Variants in TMEM79 observed in about 807,000 individuals in gnomAD.
The protein encoded by TMEM79 is mattrin.
In TMEM79, 30 loss-of-function variants were observed where a neutral mutation model predicts 31.2. The ratio of observed to expected loss-of-function variants is 0.96; its 90% CI spans 0.72 to 1.30. The LOEUF (loss-of-function observed/expected upper bound fraction) is 1.30. TMEM79 is among the 50% of genes most tolerant of loss of function. The pLI is 0.00. For synonymous variants in TMEM79, 213 were observed against 229.5 expected (o/e 0.93, Z 0.65); for missense variants, 509 against 528.2 (o/e 0.96, Z 0.36).
chr1:156,286,050 G>C, intron 2 of TMEM79, 67 bp downstream of exon 2: 1 of 1,543,734 alleles, frequency 6.5e-7, no homozygotes, highest in South Asian at 1.2e-5. Flanking sequence ...TGGCTGGTGT[G>C]GGGAGCAGGA....
At chr1:156,286,584 C>G in intron 3 of TMEM79, 111 bp downstream of exon 3, 1 of 1,072,334 alleles carries the variant, frequency 9.3e-7, no homozygotes, top group Non-Finnish European at 1.4e-6. Flanking sequence ...TACACTGGCC[C>G]AAATGTGTGC....
rs764758816 is a variant in TMEM79 at position 156,285,463 on chromosome 1, G to T, written c.237G>T (p.Gly79=). The T allele has an allele frequency of 6.2e-7, 1 of 1,614,104 alleles. No homozygotes were observed. The highest frequency in any genetic ancestry group is 1.1e-5 in the South Asian group (1 of 91,088). ...TVSEAATLPW[G]TGPQPSAPFP... ...GTGAGGCTGCCACCTTGCCCTGGGGGACTGGCCCTCAGCCCAGTGCTCCGT... is the reference window on the plus strand; with the variant it reads ...GTGAGGCTGCCACCTTGCCCTGGGGTACTGGCCCTCAGCCCAGTGCTCCGT... Residue 79 remains glycine (G), a synonymous_variant, in exon 2 of 4, where the codon GGG becomes GGT. Coordinates refer to ENST00000405535, the MANE Select transcript of TMEM79 (RefSeq NM_032323.3).
rs769178359 is a variant in TMEM79 at position 156,286,339 on chromosome 1, C to A, written c.837C>A (p.Ile279=). 6.2e-7 allele frequency: 1 copy of A among 1,614,236 alleles called. No individual in the cohort carries two copies. The highest frequency in any genetic ancestry group is 8.5e-7 in the Non-Finnish European group (1 of 1,180,042). The change falls in exon 3 of 4, where the codon ATC becomes ATA. Residue 279 remains isoleucine, a synonymous_variant. Coordinates refer to ENST00000405535, the MANE Select transcript of TMEM79 (RefSeq NM_032323.3). ...PFGEPRREVE[I]HRRYVAQSVQ... is the part of the protein sequence containing the mutation. Reference sequence around the variant, plus strand: ...GGGAGCCACGGCGGGAGGTGGAGATCCACCGGCGATATGTGGCCCAGTCGG... The same window carrying A: ...GGGAGCCACGGCGGGAGGTGGAGATACACCGGCGATATGTGGCCCAGTCGG...
chr1:156,287,387 G>T (rs1373427776), intron 3 of TMEM79, among the ~76,000 whole-genome samples: 2 of 152,140 alleles, frequency 1.3e-5, no homozygotes, highest in Non-Finnish European at 2.9e-5. Flanking sequence ...TTGCACTCCA[G>T]CCTGGGTGAC....
intron 3 of TMEM79, 101 bp from the exon 4 acceptor site, chr1:156,291,284 T>A (rs1663317927): frequency 3.9e-6 from 4 of 1,036,778 alleles, no homozygotes; most frequent in Non-Finnish European, 5.9e-6. Flanking sequence ...ACCCACCAAC[T>A]GCATCTGCCT....
rs151300248 is a variant in TMEM79, at chr1:156,286,322, C to T, written c.820C>T (p.Arg274Trp). The T allele has an allele frequency of 2.3e-5, 37 of 1,614,216 alleles. No homozygotes were observed. The highest frequency in any genetic ancestry group is 6.7e-5 in the African/African-American group (5 of 75,058). Residue 274 changes from arginine (R) to tryptophan (W), a missense_variant, in exon 3 of 4, where the codon CGG (arginine) becomes TGG (tryptophan). By Grantham distance (101) the Arg-to-Trp change is moderately radical (BLOSUM62 -3). Coordinates refer to ENST00000405535, the MANE Select transcript of TMEM79 (RefSeq NM_032323.3). Reference sequence around the variant, plus strand: ...TGCCCTTCGGCCCTTTGGGGAGCCACGGCGGGAGGTGGAGATCCACCGGCG... The same window carrying T: ...TGCCCTTCGGCCCTTTGGGGAGCCATGGCGGGAGGTGGAGATCCACCGGCG... ...FSALRPFGEP[R>W]REVEIHRRYV...
At chr1:156,286,075 T>TTGACCTGGGCCCCTCAGGGTC in intron 2 of TMEM79, 92 bp downstream of exon 2, 2 of 1,522,426 alleles carry the variant, frequency 1.3e-6, no homozygotes, top group Non-Finnish European at 1.8e-6. Flanking sequence ...TTCCCTTCAC[T>TTGACCTGGGCCCCTCAGGGTC]TGACCTGGGC....
Position 156,287,347 on chromosome 1 carries a change from C to T in TMEM79, c.971+874C>T, listed in dbSNP as rs145397005. ...AGGAGAATCGCTTGAACCTGGGAGG[C>T]GGAGGTTGCAGTGAGCCAAGATCGC... On this transcript the variant is annotated intron_variant, in intron 3 of 3. Transcript: ENST00000405535. Among the ~76,000 whole-genome samples, 1,516 of 152,092 alleles carry T rather than the reference C, an allele frequency of 1.0e-2. 25 individuals carry two copies. The highest frequency in any genetic ancestry group is 0.035 in the African/African-American group (1,460 of 41,496).
intron 3 of TMEM79, chr1:156,291,032 C>G (rs1317263011): frequency 1.6e-5 from 4 of 250,456 alleles, no homozygotes; most frequent in Non-Finnish European, 3.1e-5. Flanking sequence ...CCCAGCTACT[C>G]AGGAGTCTGA....
intron 3 of TMEM79, among the ~76,000 whole-genome samples, chr1:156,287,372 C>T (rs1246284869): frequency 7.2e-5 from 11 of 151,958 alleles, no homozygotes; most frequent in Admixed American, 3.3e-4. Context: ...GCCAAGATCG[C>T]GCCATTGCAC....
rs776710717 is a variant in TMEM79 at position 156,291,466 on chromosome 1, G to C, written c.1053G>C (p.Ser351=). 3 of 1,613,736 alleles carry C rather than the reference G, an allele frequency of 1.9e-6. No homozygotes were observed. The highest frequency in any genetic ancestry group is 1.7e-6 in the Non-Finnish European group (2 of 1,180,028). Residue 351 remains serine, a synonymous_variant, in exon 4 of 4, where the codon TCG becomes TCC. Coordinates refer to ENST00000405535, the MANE Select transcript of TMEM79 (RefSeq NM_032323.3). ...GCCTGACGTTTCTGCCACTGCTGTC[G>C]ATGCTGATGTGGAACCTCTACTACA... ...GYGLTFLPLL[S]MLMWNLYYMF...
chr1:156,290,329 T>G (rs886891559), intron 3 of TMEM79: 4 of 152,544 alleles, frequency 2.6e-5, no homozygotes, highest in Non-Finnish European at 5.9e-5. Flanking sequence ...TTCTTTCTTC[T>G]TTTCTTCTTT....
rs1406907315 is a variant in TMEM79, at chr1:156,291,719, T to A, written c.*121T>A. The A allele has an allele frequency of 6.0e-6, 5 of 834,854 alleles. No individual in the cohort carries two copies. In the South Asian group the frequency reaches 7.4e-5, roughly 12 times the overall value. The allele number at this position is 834,854 out of a possible 1,614,324, so 51.7% of individuals were successfully genotyped here. A position where few individuals can be genotyped will look rare whatever the true frequency, so the allele number is the denominator to read the frequency against. ...AGGACCGCGGTGGGTGGAACCCTGC[T>A]ACTGCCCCAACAGGGACTCCAATCA... On this transcript the variant is annotated 3_prime_UTR_variant, in exon 4 of 4. Coordinates refer to ENST00000405535, the MANE Select transcript of TMEM79 (RefSeq NM_032323.3).
chr1:156,290,681 T>G (rs1047367541), intron 3 of TMEM79: 7 of 151,020 alleles, frequency 4.6e-5, no homozygotes, highest in African/African-American at 7.3e-5. Flanking sequence ...TACAAAAAAA[T>G]AGCCAGGCAT....
At chr1:156,286,103 C>G in intron 2 of TMEM79, 120 bp downstream of exon 2, 2 of 1,443,486 alleles carry the variant, frequency 1.4e-6, no homozygotes, top group Non-Finnish European at 9.4e-7. Flanking sequence ...GGTCTCCCAC[C>G]CCCTGCCAGT....
intron 3 of TMEM79, 100 bp downstream of exon 3, chr1:156,286,573 C>T: frequency 8.4e-7 from 1 of 1,188,560 alleles, no homozygotes; most frequent in South Asian, 1.4e-5. Context: ...TTTCCGGATT[C>T]TACACTGGCC....
chr1:156,286,224 T>G (rs1360069914), intron 2 of TMEM79, 36 bp from the exon 3 acceptor site: 1 of 1,606,080 alleles, frequency 6.2e-7, no homozygotes, highest in Middle Eastern at 1.8e-4. Context: ...TTCCCCTGCC[T>G]TTTCTGACCC....
chr1:156,287,154 C>T (rs950396601), intron 3 of TMEM79, among the ~76,000 whole-genome samples: 14 of 151,700 alleles, frequency 9.2e-5, no homozygotes, highest in African/African-American at 2.2e-4. Context: ...TAGTGGCTCA[C>T]GCCTGTAATC....
intron 3 of TMEM79, among the ~76,000 whole-genome samples, chr1:156,286,987 G>A (rs994960263): frequency 3.9e-5 from 6 of 152,130 alleles, no homozygotes; most frequent in Non-Finnish European, 8.8e-5. Flanking sequence ...GCTGGGCATG[G>A]TGGTGCACAC....
Sources: allele counts gnomAD v4.1 joint callset (sites outside exome capture counted in the v4.1 genomes callset), GRCh38; gene constraint gnomAD v4.1.1; transcripts MANE v1.5; gene names NCBI Gene and HGNC (gene_info 2026-07-23, HGNC 2026-07-21).